Variants in SRGAP1 observed in about 807,000 individuals in gnomAD.
SRGAP1 encodes the protein SLIT-ROBO Rho GTPase activating protein 1.
A neutral mutation model predicts 121.9 loss-of-function variants in SRGAP1; 43 were observed. The ratio of observed to expected loss-of-function variants is 0.35; its 90% confidence interval spans 0.28 to 0.46. The LOEUF (loss-of-function observed/expected upper bound fraction) is 0.46. SRGAP1 is among the 20% of genes least tolerant of loss of function. The pLI is 1.00. For synonymous variants in SRGAP1, 447 were observed against 485.4 expected, an observed-to-expected ratio of 0.92 and a Z score of 1.04; for missense variants, 1,102 against 1,350.9, an observed-to-expected ratio of 0.82 and a Z score of 2.89.
intron 1 of SRGAP1, among the ~76,000 whole-genome samples, chr12:63,864,354 A>T (rs897637496): frequency 6.6e-6 from 1 of 152,192 alleles, no homozygotes; most frequent in African/African-American, 2.4e-5. Flanking sequence ...TCATAATACC[A>T]CGTCCCATTT....
chr12:64,047,341 T>G (rs1386448318), intron 6 of SRGAP1, among the ~76,000 whole-genome samples: 1 of 152,170 alleles, frequency 6.6e-6, no homozygotes, highest in Admixed American at 6.6e-5. Context: ...GTAGTGATCC[T>G]AACAACCATT....
chr12:64,127,931 C>T lies in SRGAP1; in HGVS notation c.2611C>T (p.Leu871Phe). Reference protein sequence around the residue: ...PGRTSDGHCPLHPPHALSNSS... With the variant: ...PGRTSDGHCPFHPPHALSNSS... ...CAGGACCAGTGATGGCCATTGCCCG[C>T]TCCACCCTCCACATGCCCTTTCTAA... Residue 871 changes from leucine to phenylalanine, a missense_variant, in exon 21 of 22, where the codon CTC becomes TTC. Coordinates refer to ENST00000355086, the MANE Select transcript of SRGAP1 (RefSeq NM_020762.4). 1 of 1,614,198 alleles carries T rather than the reference C, an allele frequency of 6.2e-7. No individual in the cohort carries two copies. Among genetic ancestry groups the T allele is most frequent in the Non-Finnish European group, 8.5e-7 (1 of 1,180,032 alleles).
chr12:63,866,659 A>G (rs908024964), intron 1 of SRGAP1, among the ~76,000 whole-genome samples: 2 of 152,016 alleles, frequency 1.3e-5, no homozygotes, highest in African/African-American at 4.8e-5. Flanking sequence ...TTATATTTAT[A>G]ATAGTTAATC....
chr12:63,916,130 T>C (rs1472808042), intron 1 of SRGAP1, among the ~76,000 whole-genome samples: 1 of 149,764 alleles, frequency 6.7e-6, no homozygotes, highest in Non-Finnish European at 1.5e-5. Context: ...CCTCCCAGGC[T>C]AGAGCGATCC....
intron 1 of SRGAP1, among the ~76,000 whole-genome samples, chr12:63,930,673 G>C (rs899263626): frequency 3.3e-5 from 5 of 151,944 alleles, no homozygotes; most frequent in Non-Finnish European, 5.9e-5. Flanking sequence ...GAAACCAAAT[G>C]TACCTCACTT....
At chr12:64,005,282 A>G (rs1356271108) in intron 3 of SRGAP1, among the ~76,000 whole-genome samples, 2 of 152,226 alleles carry the variant, frequency 1.3e-5, no homozygotes, top group Non-Finnish European at 2.9e-5. Context: ...TTAAACATTA[A>G]CAGTTTCAAA....
chr12:63,989,287 G>A (rs560896125), intron 2 of SRGAP1, among the ~76,000 whole-genome samples: 6 of 152,266 alleles, frequency 3.9e-5, no homozygotes, highest in African/African-American at 1.4e-4. Flanking sequence ...AGTTTAATGG[G>A]TTTCAACAGG....
chr12:63,968,117 C>T (rs577031311), intron 1 of SRGAP1, among the ~76,000 whole-genome samples: 1 of 152,328 alleles, frequency 6.6e-6, no homozygotes, highest in East Asian at 1.9e-4. Context: ...GGTCTCCACA[C>T]ACCATTTACA....
chr12:63,885,134 C>T (rs1052032511), intron 1 of SRGAP1, among the ~76,000 whole-genome samples: 10 of 152,074 alleles, frequency 6.6e-5, no homozygotes, highest in Admixed American at 6.6e-4. Flanking sequence ...CAGAAGACTT[C>T]CGTGACCAAA....
intron 6 of SRGAP1, among the ~76,000 whole-genome samples, chr12:64,050,445 T>A (rs2035216235): frequency 2.9e-5 from 1 of 34,478 alleles, no homozygotes; most frequent in Non-Finnish European, 5.3e-5. Context: ...AGCTAGACTT[T>A]CTCTATGTCC....
intron 21 of SRGAP1, among the ~76,000 whole-genome samples, chr12:64,141,181 G>A (rs1313208650): frequency 6.8e-6 from 1 of 147,728 alleles, no homozygotes; most frequent in Non-Finnish European, 1.5e-5. Flanking sequence ...TAGATGATGA[G>A]TTAGTGGGTG....
Position 64,153,044 on chromosome 12 carries a change from G to A in SRGAP1, c.*10372G>A, listed in dbSNP as rs1227608304. The A allele has an allele frequency of 1.3e-5, 2 of 151,838 alleles. No individual in the cohort carries two copies. Among genetic ancestry groups the A allele is most frequent in the Non-Finnish European group, 2.9e-5 (2 of 68,004 alleles). 9.4% of individuals were successfully genotyped at this position (151,838 alleles called of 1,614,324 possible). On this transcript the variant is annotated 3_prime_UTR_variant, in exon 22 of 22. Coordinates refer to ENST00000355086, the MANE Select transcript of SRGAP1 (RefSeq NM_020762.4). ...GGGTGATAGAATTTAGAGTGTCTAG[G>A]AGAAGCATTTTAGATGGGACAGCTT...
Position 63,877,673 on chromosome 12 carries a change from T to C in SRGAP1, c.67+32790T>C, listed in dbSNP as rs187679674. 6.6e-5 allele frequency among the ~76,000 whole-genome samples: 10 copies of C among 152,352 alleles called. No homozygotes were observed. The East Asian group carries it at 1.5e-3, about 24-fold the overall frequency. On this transcript the variant is annotated intron_variant, in intron 1 of 21. Coordinates refer to ENST00000355086, the MANE Select transcript of SRGAP1 (RefSeq NM_020762.4). ...TATAAAATTTGGGTATAAAACTTTA[T>C]GTCTTGAGGCTAATTTAGATGTGTG...
chr12:63,934,597 G>T (rs983404606), intron 1 of SRGAP1, among the ~76,000 whole-genome samples: 1 of 151,860 alleles, frequency 6.6e-6, no homozygotes, highest in Non-Finnish European at 1.5e-5. Context: ...AGCTTATGTT[G>T]GCCCTTTATT....
chr12:64,107,499 A>G (rs2036363792), intron 15 of SRGAP1, among the ~76,000 whole-genome samples: 1 of 152,220 alleles, frequency 6.6e-6, no homozygotes, highest in African/African-American at 2.4e-5. Context: ...TAGAAACTAC[A>G]GGACTTCTTT....
rs2037087833 is a variant in SRGAP1, at chr12:64,148,723, G to A, written c.*6051G>A. 2.6e-5 allele frequency: 4 copies of A among 152,160 alleles called. No individual in the cohort carries two copies. The highest frequency in any genetic ancestry group is 2.6e-4 in the Admixed American group (4 of 15,280). 9.4% of individuals were successfully genotyped at this position (152,160 alleles called of 1,614,324 possible). ...GTTTAAAAAATGACAGGCAAATCAA[G>A]GAAAAACACTTTTTATTAAAGTGCA... On this transcript the variant is annotated 3_prime_UTR_variant, in exon 22 of 22. Coordinates refer to ENST00000355086, the MANE Select transcript of SRGAP1 (RefSeq NM_020762.4).
At chr12:64,131,339 T>C (rs2036781649) in intron 21 of SRGAP1, among the ~76,000 whole-genome samples, 2 of 152,248 alleles carry the variant, frequency 1.3e-5, no homozygotes, top group South Asian at 2.1e-4. Context: ...TCTAAGTCCC[T>C]GACCATCCAG....
chr12:63,873,645 A>T (rs1384300241), intron 1 of SRGAP1, among the ~76,000 whole-genome samples: 1 of 150,778 alleles, frequency 6.6e-6, no homozygotes, highest in Non-Finnish European at 1.5e-5. Context: ...GCTGAATGCC[A>T]TATAAAATTA....
Position 64,159,141 on chromosome 12 carries a change from AG to A in SRGAP1, c.*16470del, listed in dbSNP as rs2037190740. On this transcript the variant is annotated 3_prime_UTR_variant, in exon 22 of 22. Coordinates refer to ENST00000355086, the MANE Select transcript of SRGAP1 (RefSeq NM_020762.4). ...CAAGACCAGCCTGGGCAACATAGCA[AG>A]ACCCCATCCCTACAAAACAGTTTTT... The A allele has an allele frequency of 6.6e-6, 1 of 152,670 alleles. No individual in the cohort carries two copies. Among genetic ancestry groups the A allele is most frequent in the African/African-American group, 2.4e-5 (1 of 41,416 alleles). 9.5% of individuals were successfully genotyped at this position (152,670 alleles called of 1,614,324 possible). A position where few individuals can be genotyped will look rare whatever the true frequency, so the allele number is the denominator to read the frequency against.
Sources: gnomAD v4.1 joint callset for allele counts (sites outside exome capture counted in the v4.1 genomes callset) on GRCh38, gnomAD v4.1.1 for gene constraint, MANE v1.5 for transcripts, NCBI Gene and HGNC (gene_info 2026-07-23, HGNC 2026-07-21) for gene names.